The following FGF12 variants were observed in gnomAD, a reference collection of about 807,000 sequenced individuals.
FGF12 encodes fibroblast growth factor 12, also known as fibroblast growth factor 12B.
Under a neutral mutation model 23.6 loss-of-function variants are expected in FGF12, and 14 were observed. The observed-to-expected ratio is 0.59, with a 90% CI of 0.39 to 0.93. FGF12 has a LOEUF of 0.93. Ranked by LOEUF, FGF12 falls within the 40% of genes least tolerant of loss-of-function variation. The pLI is 0.00. For missense variants in FGF12, 175 were observed against 217.8 expected (o/e 0.80, Z 1.24); for synonymous variants, 62 against 77.3 (o/e 0.80, Z 1.04).
At chr3:192,352,715 C>T (rs186757054) in intron 3 of FGF12, among the ~76,000 whole-genome samples, 11 of 152,228 alleles carry the variant, frequency 7.2e-5, no homozygotes, top group Non-Finnish European at 1.2e-4. Flanking sequence ...GGAATCAAAC[C>T]ATTTAAACTA....
intron 5 of FGF12, among the ~76,000 whole-genome samples, chr3:192,163,588 C>T (rs1450289943): frequency 2.0e-5 from 3 of 151,990 alleles, no homozygotes; most frequent in African/African-American, 7.3e-5. Context: ...ATCAGAAATC[C>T]CCTGGACAGC....
rs941549938 is a variant in FGF12, at chr3:192,311,393, A to G, written c.228+23968T>C. 5.5e-4 allele frequency among the ~76,000 whole-genome samples: 83 copies of G among 152,188 alleles called. 1 individual carries two copies. The highest frequency in any genetic ancestry group is 5.4e-3 in the Admixed American group (83 of 15,276). On this transcript the variant is annotated intron_variant, in intron 4 of 5. Coordinates refer to ENST00000445105, the MANE Select transcript of FGF12 (RefSeq NM_004113.6). Reference sequence around the variant, plus strand: ...GGATATTTTACATAAATGAAATGATAAAGTATATCTTTTGTGACTAGCTTC... The same window carrying G: ...GGATATTTTACATAAATGAAATGATGAAGTATATCTTTTGTGACTAGCTTC...
chr3:192,181,364 GAC>G (rs200578658), intron 4 of FGF12, among the ~76,000 whole-genome samples: 3,278 of 142,830 alleles, frequency 0.023, 136 homozygotes, highest in African/African-American at 0.087. Context: ...CACACACACA[GAC>G]ACACACACAC....
At chr3:192,525,883 T>C (rs1292930299) in intron 2 of FGF12, among the ~76,000 whole-genome samples, 1 of 152,202 alleles carries the variant, frequency 6.6e-6, no homozygotes, top group East Asian at 1.9e-4. Context: ...CAAGTGATGC[T>C]CCTGCCTCAG....
chr3:192,350,170 T>C lies in FGF12; in HGVS notation c.124+10258A>G, dbSNP rs1372217018. ...TAAGTAGTTCATAACCAAAAAGAAG[T>C]CAGCCAGTCATATACACAATAAATA... On this transcript the variant is annotated intron_variant, in intron 3 of 5. Transcript: ENST00000445105. 3.3e-4 allele frequency among the ~76,000 whole-genome samples: 50 copies of C among 151,966 alleles called. 1 individual carries two copies. Among genetic ancestry groups the C allele is most frequent in the Admixed American group, 3.3e-3 (50 of 15,242 alleles).
At chr3:192,407,636 T>A (rs1721014921) in intron 2 of FGF12, among the ~76,000 whole-genome samples, 1 of 152,074 alleles carries the variant, frequency 6.6e-6, no homozygotes, top group Non-Finnish European at 1.5e-5. Flanking sequence ...TACTGTACTC[T>A]ACAGACGGAT....
intron 2 of FGF12, among the ~76,000 whole-genome samples, chr3:192,441,045 A>G (rs1191089168): frequency 1.3e-5 from 2 of 152,220 alleles, no homozygotes; most frequent in East Asian, 1.9e-4. Context: ...TGTTTTGGGC[A>G]CCGGCAATGG....
intron 2 of FGF12, among the ~76,000 whole-genome samples, chr3:192,484,605 G>T (rs886215949): frequency 6.6e-6 from 1 of 152,106 alleles, no homozygotes. Flanking sequence ...GTGAATGATC[G>T]GCTGTGAGAG....
In FGF12 at chr3:192,198,957, G is replaced by T. The variant is rs1396872342; in HGVS notation, c.229-28301C>A. Among the ~76,000 whole-genome samples, 7 of 152,174 alleles carry T rather than the reference G, an allele frequency of 4.6e-5. No individual in the cohort carries two copies. The South Asian group carries it at 1.4e-3, about 31-fold the overall frequency. On this transcript the variant is annotated intron_variant, in intron 4 of 5. Transcript: ENST00000445105. ...AAACTTATATAATCTTTTCATTCTG[G>T]AAAATTTTACACATGTGTTGTTTAG...
At chr3:192,294,941 C>T (rs1416416935) in intron 4 of FGF12, among the ~76,000 whole-genome samples, 1 of 152,082 alleles carries the variant, frequency 6.6e-6, no homozygotes, top group African/African-American at 2.4e-5. Context: ...CAGAATTTTG[C>T]CCATAAGACC....
rs1047986948 is a variant in FGF12 at position 192,139,845 on chromosome 3, C to T, written c.*4164G>A. On this transcript the variant is annotated 3_prime_UTR_variant, in exon 6 of 6. Coordinates refer to ENST00000445105, the MANE Select transcript of FGF12 (RefSeq NM_004113.6). ...AGGAAAAATCCTGAAAAAGAAAGAT[C>T]AGCATCTAGCATCCTTTTCCTATTC... 7 of 152,034 alleles carry T rather than the reference C, an allele frequency of 4.6e-5. No individual in the cohort carries two copies. Among genetic ancestry groups the T allele is most frequent in the African/African-American group, 1.7e-4 (7 of 41,432 alleles). The allele number at this position is 152,034 out of a possible 1,614,324, so 9.4% of individuals were successfully genotyped here.
chr3:192,457,738 G>C (rs533137869), intron 2 of FGF12, among the ~76,000 whole-genome samples: 83 of 152,300 alleles, frequency 5.4e-4, no homozygotes, highest in African/African-American at 2.0e-3. Context: ...TTTTTGAGGA[G>C]AAATTCAAGC....
chr3:192,370,589 G>GC (rs1229334329), intron 2 of FGF12, among the ~76,000 whole-genome samples: 1 of 152,072 alleles, frequency 6.6e-6, no homozygotes, highest in African/African-American at 2.4e-5. Flanking sequence ...TGGCTGTCAT[G>GC]CCCCACATGC....
chr3:192,248,481 A>G (rs1711786232), intron 4 of FGF12, among the ~76,000 whole-genome samples: 1 of 152,218 alleles, frequency 6.6e-6, no homozygotes, highest in African/African-American at 2.4e-5. Context: ...TATCCTGGGT[A>G]TTCAGACAGT....
intron 4 of FGF12, among the ~76,000 whole-genome samples, chr3:192,210,505 C>T (rs1163092652): frequency 6.6e-6 from 1 of 152,082 alleles, no homozygotes; most frequent in African/African-American, 2.4e-5. Flanking sequence ...AAGGGTATAA[C>T]TAGTTTAATA....
chr3:192,322,040 C>T (rs766857042), intron 4 of FGF12, among the ~76,000 whole-genome samples: 69 of 151,796 alleles, frequency 4.5e-4, no homozygotes, highest in Non-Finnish European at 4.1e-4. Context: ...TCTTTGTTTG[C>T]AGATGATATG....
intron 2 of FGF12, among the ~76,000 whole-genome samples, chr3:192,383,539 T>A (rs200511731): frequency 1.4e-5 from 2 of 143,868 alleles, no homozygotes; most frequent in African/African-American, 2.6e-5. Context: ...AAAATCTGAT[T>A]AAAAAAAAAA....
intron 4 of FGF12, among the ~76,000 whole-genome samples, chr3:192,171,242 T>A (rs562270105): frequency 1.2e-4 from 19 of 152,198 alleles, no homozygotes; most frequent in African/African-American, 2.2e-4. Context: ...TAGAAAAAAA[T>A]TACTATTATA....
chr3:192,237,359 C>A (rs1577264993), intron 4 of FGF12, among the ~76,000 whole-genome samples: 1 of 152,038 alleles, frequency 6.6e-6, no homozygotes, highest in East Asian at 1.9e-4. Flanking sequence ...CTCTGAATTT[C>A]CTGAATTTGC....
Sources: gnomAD v4.1 joint callset for allele counts (sites outside exome capture counted in the v4.1 genomes callset) on GRCh38, gnomAD v4.1.1 for gene constraint, MANE v1.5 for transcripts, NCBI Gene and HGNC (gene_info 2026-07-23, HGNC 2026-07-21) for gene names.